CA10: variants seen among roughly 807,000 people sequenced by gnomAD.
CA10 encodes the protein carbonic anhydrase 10 (inactive).
Under a neutral mutation model 44.2 loss-of-function variants are expected in CA10, and 14 were observed. The observed-to-expected ratio is 0.32, with a 90% confidence interval of 0.21 to 0.50. The LOEUF (loss-of-function observed/expected upper bound fraction) is 0.50, where lower values mean the gene tolerates loss of function less well. Among genes scored for constraint, CA10 ranks in the 20% least tolerant of loss-of-function variants. CA10 has a pLI of 0.99. For missense variants in CA10, 350 were observed against 409.7 expected (o/e 0.85, Z 1.26); for synonymous variants, 159 against 141.6 (o/e 1.12, Z -0.87).
At chr17:51,675,330 C>T (rs1390324920) in intron 4 of CA10, among the ~76,000 whole-genome samples, 13 of 152,068 alleles carry the variant, frequency 8.5e-5, no homozygotes, top group Non-Finnish European at 1.3e-4. Flanking sequence ...GAGGCCAAGG[C>T]GGGTGGATCA....
intron 4 of CA10, among the ~76,000 whole-genome samples, chr17:51,735,775 G>T (rs1043470699): frequency 6.6e-6 from 1 of 150,798 alleles, no homozygotes; most frequent in Non-Finnish European, 1.5e-5. Flanking sequence ...AAACTTCAGA[G>T]AACTTTATGC....
At chr17:51,768,163 G>GAAAAAAAAAAAAAA (rs1386303723) in intron 3 of CA10, among the ~76,000 whole-genome samples, 1 of 140,518 alleles carries the variant, frequency 7.1e-6, no homozygotes, top group Non-Finnish European at 1.6e-5. Context: ...ACATAAAGAT[G>GAAAAAAAAAAAAAA]TGCTTTTTTT....
intron 2 of CA10, among the ~76,000 whole-genome samples, chr17:52,007,196 T>G (rs533281810): frequency 6.6e-6 from 1 of 151,820 alleles, no homozygotes; most frequent in South Asian, 2.1e-4. Flanking sequence ...CATATTCAAA[T>G]AGTGACAATT....
chr17:51,988,042 A>G (rs1598154136), intron 2 of CA10, among the ~76,000 whole-genome samples: 1 of 152,174 alleles, frequency 6.6e-6, no homozygotes, highest in East Asian at 1.9e-4. Flanking sequence ...ACTATAATTT[A>G]TGGGTGGGTG....
chr17:51,789,208 G>A (rs960937896), intron 3 of CA10, among the ~76,000 whole-genome samples: 1 of 152,132 alleles, frequency 6.6e-6, no homozygotes, highest in South Asian at 2.1e-4. Context: ...TAGAGAGGGG[G>A]TTTCACCACG....
intron 1 of CA10, among the ~76,000 whole-genome samples, chr17:52,131,534 A>G (rs1175877127): frequency 6.6e-6 from 1 of 152,226 alleles, no homozygotes; most frequent in African/African-American, 2.4e-5. Context: ...ATTATAGCTC[A>G]TTGCAAGTGG....
chr17:51,631,680 CAGTTTT>C lies in CA10; in HGVS notation c.965-80_965-75del, dbSNP rs1734362723. On this transcript the variant is annotated intron_variant, in intron 8 of 8. Coordinates refer to ENST00000451037, the MANE Select transcript of CA10 (RefSeq NM_020178.5). ...GAGGCATACTCAATTAATTTGCACACAGTTTTAGAGAATTCCTCCAGAGGGGAAGGG... is the reference window on the plus strand; with the variant it reads ...GAGGCATACTCAATTAATTTGCACACAGAGAATTCCTCCAGAGGGGAAGGG... The C allele has an allele frequency of 2.3e-6, 3 of 1,304,566 alleles. No homozygotes were observed. In the East Asian group the frequency reaches 6.9e-5, roughly 30 times the overall value. 80.8% of individuals were successfully genotyped at this position (1,304,566 alleles called of 1,614,324 possible). A position where few individuals can be genotyped will look rare whatever the true frequency, so the allele number is the denominator to read the frequency against.
chr17:52,083,511 C>T lies in CA10; in HGVS notation c.62-11118G>A, dbSNP rs1400620951. Among the ~76,000 whole-genome samples the T allele has an allele frequency of 2.0e-5, 3 of 152,202 alleles. No homozygotes were observed. In the East Asian group the frequency reaches 5.8e-4, roughly 29 times the overall value. The stretch of plus-strand genomic sequence containing the variant: ...AAGTCTAGGCTTTTAGTGTAACCCT[C>T]ACCTTAATGGGTATATTATACTCCT... On this transcript the variant is annotated intron_variant, in intron 1 of 8. Transcript: ENST00000451037.
At chr17:51,740,150 A>G (rs1389210085) in intron 4 of CA10, among the ~76,000 whole-genome samples, 1 of 152,126 alleles carries the variant, frequency 6.6e-6, no homozygotes, top group Non-Finnish European at 1.5e-5. Flanking sequence ...TACATTCTTA[A>G]ATTATCTTCA....
chr17:51,893,973 A>G (rs756984674), intron 3 of CA10, among the ~76,000 whole-genome samples: 2 of 152,208 alleles, frequency 1.3e-5, no homozygotes, highest in African/African-American at 2.4e-5. Flanking sequence ...ATAGTTGACT[A>G]TGCATGTCTC....
At chr17:52,116,587 A>G (rs1988902841) in intron 1 of CA10, among the ~76,000 whole-genome samples, 1 of 152,134 alleles carries the variant, frequency 6.6e-6, no homozygotes, top group Admixed American at 6.5e-5. Flanking sequence ...GAAGAAGGAA[A>G]AAGGATGCTT....
chr17:51,671,726 G>A (rs1488921489), intron 4 of CA10, among the ~76,000 whole-genome samples: 2 of 152,084 alleles, frequency 1.3e-5, no homozygotes, highest in African/African-American at 2.4e-5. Flanking sequence ...TTATCCATGC[G>A]GTTTGTCTCT....
intron 3 of CA10, among the ~76,000 whole-genome samples, chr17:51,840,183 G>C (rs368038769): frequency 3.9e-5 from 6 of 152,152 alleles, no homozygotes; most frequent in African/African-American, 1.4e-4. Context: ...TGGTGAGGCA[G>C]GTGAAGTATT....
intron 4 of CA10, among the ~76,000 whole-genome samples, chr17:51,720,909 TA>T (rs1234277618): frequency 6.6e-6 from 1 of 152,192 alleles, no homozygotes; most frequent in African/African-American, 2.4e-5. Flanking sequence ...ATTCTCACCA[TA>T]AAAAAATGAT....
rs1988524336 is a variant in CA10 at position 52,100,960 on chromosome 17, T to C, written c.62-28567A>G. On this transcript the variant is annotated intron_variant, in intron 1 of 8. Transcript: ENST00000451037. ...CTAAATATTTTTCGCTACTCTGACTTACAGTCCAGATATTAGCTAATCCTT... is the reference window on the plus strand; with the variant it reads ...CTAAATATTTTTCGCTACTCTGACTCACAGTCCAGATATTAGCTAATCCTT... Among the ~76,000 whole-genome samples the C allele has an allele frequency of 2.0e-5, 3 of 152,228 alleles. No individual in the cohort carries two copies. In the South Asian group the frequency reaches 6.2e-4, roughly 32 times the overall value.
chr17:52,044,496 G>C (rs554885696), intron 2 of CA10, among the ~76,000 whole-genome samples: 1 of 151,930 alleles, frequency 6.6e-6, no homozygotes, highest in South Asian at 2.1e-4. Flanking sequence ...TAGAAATGGG[G>C]TTTTGTCATG....
intron 2 of CA10, among the ~76,000 whole-genome samples, chr17:51,994,680 T>C (rs1985166626): frequency 6.6e-6 from 1 of 152,094 alleles, no homozygotes; most frequent in Admixed American, 6.6e-5. Context: ...TATATACATA[T>C]AGACCAATTT....
chr17:52,065,858 C>T (rs1319344738), intron 2 of CA10, among the ~76,000 whole-genome samples: 1 of 152,154 alleles, frequency 6.6e-6, no homozygotes, highest in Non-Finnish European at 1.5e-5. Flanking sequence ...CACATAATCC[C>T]CATATGTTGT....
chr17:52,000,386 G>C (rs1315709052), intron 2 of CA10, among the ~76,000 whole-genome samples: 1 of 152,092 alleles, frequency 6.6e-6, no homozygotes, highest in East Asian at 1.9e-4. Flanking sequence ...GGCCACACTT[G>C]TCAAAATGCT....
Sources: allele counts gnomAD v4.1 joint callset (sites outside exome capture counted in the v4.1 genomes callset), GRCh38; gene constraint gnomAD v4.1.1; transcripts MANE v1.5; gene names NCBI Gene and HGNC (gene_info 2026-07-23, HGNC 2026-07-21).